SHISA6: variants seen among roughly 807,000 people sequenced by gnomAD.
The protein encoded by SHISA6 is shisa family member 6, also known as protein shisa-6.
SHISA6 carries 22 observed loss-of-function variants against 47.9 expected under a neutral mutation model. That is an observed-to-expected ratio of 0.46 (90% CI 0.33 to 0.66). SHISA6 has a LOEUF of 0.66. SHISA6 is among the 30% of genes least tolerant of loss of function. The pLI is 0.02. For synonymous variants in SHISA6, 388 were observed against 337.8 expected (o/e 1.15, Z -1.63); for missense variants, 680 against 764.6 (o/e 0.89, Z 1.30).
chr17:11,317,607 G>A (rs990984218), intron 2 of SHISA6, among the ~76,000 whole-genome samples: 1 of 151,608 alleles, frequency 6.6e-6, no homozygotes, highest in Admixed American at 6.6e-5. Flanking sequence ...TAATTATTTC[G>A]ATTTTGTTTT....
rs376480548 is a variant in SHISA6, at chr17:11,331,274, T to G, written c.800-48140T>G. ...CATAAGACATTCCTTTGGAAAAGCT[T>G]CTTCTTCAGAGAAGTACAGGCCAAA... On this transcript the variant is annotated intron_variant, in intron 2 of 5. Transcript: ENST00000441885. 3.2e-4 allele frequency among the ~76,000 whole-genome samples: 49 copies of G among 152,326 alleles called. No individual in the cohort carries two copies. The East Asian group carries it at 4.1e-3, about 13-fold the overall frequency.
At chr17:11,249,340 G>T (rs1907715902) in intron 1 of SHISA6, among the ~76,000 whole-genome samples, 1 of 151,932 alleles carries the variant, frequency 6.6e-6, no homozygotes, top group Non-Finnish European at 1.5e-5. Context: ...GTGTATATGT[G>T]TGTGTGATTT....
chr17:11,279,603 A>G (rs1215689712), intron 2 of SHISA6, among the ~76,000 whole-genome samples: 1 of 152,042 alleles, frequency 6.6e-6, no homozygotes, highest in African/African-American at 2.4e-5. Flanking sequence ...TTCTATTACC[A>G]CCTTGGTAAT....
chr17:11,428,353 C>T (rs554381617), intron 3 of SHISA6, among the ~76,000 whole-genome samples: 1 of 152,286 alleles, frequency 6.6e-6, no homozygotes, highest in Admixed American at 6.5e-5. Flanking sequence ...TCGGCATGAG[C>T]AAATTTGCAG....
At chr17:11,500,417 G>A (rs1449562310) in intron 3 of SHISA6, among the ~76,000 whole-genome samples, 1 of 152,200 alleles carries the variant, frequency 6.6e-6, no homozygotes, top group Admixed American at 6.5e-5. Context: ...CATGGCCTGT[G>A]TACTCATATA....
At chr17:11,470,253 G>A (rs182640746) in intron 3 of SHISA6, among the ~76,000 whole-genome samples, 15 of 152,294 alleles carry the variant, frequency 9.8e-5, no homozygotes, top group African/African-American at 3.4e-4. Context: ...TTCCAACTTA[G>A]AGCAAAGCCT....
intron 1 of SHISA6, among the ~76,000 whole-genome samples, chr17:11,243,579 C>T (rs1293335118): frequency 1.3e-5 from 2 of 152,064 alleles, no homozygotes; most frequent in Non-Finnish European, 2.9e-5. Flanking sequence ...ACAAGTGGGA[C>T]GGTGAGCAAA....
At chr17:11,274,508 G>C (rs1205334435) in intron 2 of SHISA6, among the ~76,000 whole-genome samples, 1 of 152,196 alleles carries the variant, frequency 6.6e-6, no homozygotes, top group Non-Finnish European at 1.5e-5. Context: ...GGCCCCCAGG[G>C]ATGTGGAGCG....
Position 11,364,997 on chromosome 17 carries a change from G to A in SHISA6, c.800-14417G>A, listed in dbSNP as rs567099681. Among the ~76,000 whole-genome samples, 14 of 152,232 alleles carry A rather than the reference G, an allele frequency of 9.2e-5. No homozygotes were observed. In the East Asian group the frequency reaches 2.5e-3, roughly 27 times the overall value. On this transcript the variant is annotated intron_variant, in intron 2 of 5. Coordinates refer to ENST00000441885, the MANE Select transcript of SHISA6 (RefSeq NM_207386.4). ...TAGGTCTTCTATTCATGAGGTAAGT[G>A]AAGGGGAACAAGAAACCTAAACACT...
At chr17:11,510,384 G>A (rs536151874) in intron 3 of SHISA6, among the ~76,000 whole-genome samples, 21 of 152,228 alleles carry the variant, frequency 1.4e-4, no homozygotes, top group South Asian at 4.2e-4. Context: ...AGCCTGTATC[G>A]TTGCTTCAGT....
At chr17:11,487,503 T>C (rs1366269231) in intron 3 of SHISA6, among the ~76,000 whole-genome samples, 4 of 152,284 alleles carry the variant, frequency 2.6e-5, no homozygotes, top group Non-Finnish European at 5.9e-5. Context: ...AGTATTATCC[T>C]ATCTAGCCAT....
At chr17:11,388,478 G>T (rs890195117) in intron 3 of SHISA6, among the ~76,000 whole-genome samples, 11 of 151,946 alleles carry the variant, frequency 7.2e-5, no homozygotes, top group African/African-American at 2.7e-4. Flanking sequence ...TGCATATGTG[G>T]GACGGCACCC....
At chr17:11,518,452 CACACACACAAACACAT>C in intron 3 of SHISA6, among the ~76,000 whole-genome samples, 1 of 152,254 alleles carries the variant, frequency 6.6e-6, no homozygotes, top group Admixed American at 6.5e-5. Flanking sequence ...GAAACACACA[CACACACACAAACACAT>C]ACACACATAC....
intron 2 of SHISA6, among the ~76,000 whole-genome samples, chr17:11,372,764 CATAGA>C (rs1912670332): frequency 6.6e-6 from 1 of 151,864 alleles, no homozygotes; most frequent in African/African-American, 2.4e-5. Context: ...TATATTTTTC[CATAGA>C]GAGTTTCAGC....
At chr17:11,322,918 T>C (rs1474426429) in intron 2 of SHISA6, among the ~76,000 whole-genome samples, 1 of 152,170 alleles carries the variant, frequency 6.6e-6, no homozygotes, top group African/African-American at 2.4e-5. Flanking sequence ...GAGATTTTTC[T>C]TTAGAAGTTA....
rs550399028 is a variant in SHISA6 at position 11,263,232 on chromosome 17, T to C, written c.639-134T>C. 6.9e-4 allele frequency: 637 copies of C among 919,380 alleles called. 7 individuals are homozygous for C. In the South Asian group the frequency reaches 0.01, roughly 15 times the overall value. 57.0% of individuals were successfully genotyped at this position (919,380 alleles called of 1,614,324 possible). The stretch of plus-strand genomic sequence containing the variant: ...GACCAACACCAGATGTAGCTGACTA[T>C]TGAGAGCTGAATGCTGTCTCTGTCT... On this transcript the variant is annotated intron_variant, in intron 1 of 5. Transcript: ENST00000441885.
At chr17:11,296,112 T>C (rs1909744612) in intron 2 of SHISA6, among the ~76,000 whole-genome samples, 1 of 151,422 alleles carries the variant, frequency 6.6e-6, no homozygotes, top group Admixed American at 6.6e-5. Flanking sequence ...GAAGGGGGTG[T>C]GAGGGAAGGT....
At chr17:11,350,402 G>A (rs1911847883) in intron 2 of SHISA6, among the ~76,000 whole-genome samples, 2 of 150,760 alleles carry the variant, frequency 1.3e-5, no homozygotes, top group South Asian at 2.1e-4. Context: ...GGATGGTCTC[G>A]ATCTCCTGAC....
intron 2 of SHISA6, among the ~76,000 whole-genome samples, chr17:11,265,827 A>G (rs1440064755): frequency 6.6e-6 from 1 of 152,160 alleles, no homozygotes; most frequent in African/African-American, 2.4e-5. Context: ...TACCCTTCAC[A>G]GGGCAGGAAG....
Sources: gnomAD v4.1 joint callset for allele counts (sites outside exome capture counted in the v4.1 genomes callset) on GRCh38, gnomAD v4.1.1 for gene constraint, MANE v1.5 for transcripts, NCBI Gene and HGNC (gene_info 2026-07-23, HGNC 2026-07-21) for gene names.